ZNF658: variants seen among roughly 807,000 people sequenced by gnomAD.
ZNF658 encodes the protein zinc finger protein 658.
A neutral mutation model predicts 78.0 loss-of-function variants in ZNF658; 46 were observed. The observed-to-expected ratio is 0.59, with a 90% CI of 0.47 to 0.75. The LOEUF (loss-of-function observed/expected upper bound fraction) is 0.75, where lower values mean the gene tolerates loss of function less well. Ranked by LOEUF, ZNF658 falls within the 30% of genes least tolerant of loss-of-function variation. The pLI, the probability that ZNF658 is intolerant of heterozygous loss-of-function variation, is 0.00. For synonymous variants in ZNF658, 279 were observed against 408.4 expected (o/e 0.68, Z 3.82); for missense variants, 785 against 1,189.3 (o/e 0.66, Z 5.00).
chr9:66,929,944 C>T (rs1822625466), intron 6 of ZNF658, among the ~76,000 whole-genome samples: 1 of 136,412 alleles, frequency 7.3e-6, no homozygotes. Flanking sequence ...CCACCACGCC[C>T]AGCTAATTTT....
chr9:66,913,475 G>A (rs1822262841), intron 4 of ZNF658, among the ~76,000 whole-genome samples: 1 of 151,870 alleles, frequency 6.6e-6, no homozygotes, highest in Non-Finnish European at 1.5e-5. Context: ...CCCCCAGGGG[G>A]TCAGATCAGT....
Position 66,920,343 on chromosome 9 carries a change from G to A in ZNF658, c.2777G>A (p.Ser926Asn). The A allele has an allele frequency of 6.2e-7, 1 of 1,613,768 alleles. No homozygotes were observed. Among genetic ancestry groups the A allele is most frequent in the Non-Finnish European group, 8.5e-7 (1 of 1,179,950 alleles). Residue 926 changes from serine to asparagine, a missense_variant, in exon 5 of 5, where the codon AGT becomes AAT. Around this residue, in one of 12 missense-constraint regions of ZNF658, gnomAD observed 85 missense variants for 108.6 expected, o/e 0.78. Transcript: ENST00000621410. Reference sequence around the variant, plus strand: ...ACCTTCTCTGAGAAGTCATATGTTAGTGCACATCAGAGAGTTCATACGGGG... The same window carrying A: ...ACCTTCTCTGAGAAGTCATATGTTAATGCACATCAGAGAGTTCATACGGGG... Reference protein sequence around the residue: ...GKTFSEKSYVSAHQRVHTGEK... With the variant: ...GKTFSEKSYVNAHQRVHTGEK...
rs945682888 is a variant in ZNF658 at position 66,918,106 on chromosome 9, G to C, written c.540G>C (p.Glu180Asp). Residue 180 changes from glutamate to aspartate, a missense_variant, in exon 5 of 5, where the codon GAG (glutamate) becomes GAC (aspartate). This residue lies in a region of ZNF658 where 393 missense variants were observed against 400.2 expected (regional missense o/e 0.98). Transcript: ENST00000621410. Reference sequence around the variant, plus strand: ...AACTGCAGCTTGATATTAAGCATGAGAAAGCTCATGCTGAAGAGAAATCTT... The same window carrying C: ...AACTGCAGCTTGATATTAAGCATGACAAAGCTCATGCTGAAGAGAAATCTT... Reference protein sequence around the residue: ...CEKLQLDIKHEKAHAEEKSYE... With the variant: ...CEKLQLDIKHDKAHAEEKSYE... 1 of 1,591,550 alleles carries C rather than the reference G, an allele frequency of 6.3e-7. No homozygotes were observed. Among genetic ancestry groups the C allele is most frequent in the Non-Finnish European group, 8.5e-7 (1 of 1,172,894 alleles).
rs1266145900 is a variant in ZNF658 at position 66,918,760 on chromosome 9, C to A, written c.1194C>A (p.His398Gln). ...GAAAATCCTTTTACCGGAAAGCACA[C>A]CTCATTCAGCATCAGAGGCCCCACT... ...KCRKSFYRKA[H>Q]LIQHQRPHSG... The change falls in exon 5 of 5, where the codon CAC becomes CAA. Residue 398 changes from histidine (H) to glutamine (Q), a missense_variant. Coordinates refer to ENST00000621410, the MANE Select transcript of ZNF658 (RefSeq NM_033160.7). 2 of 1,613,914 alleles carry A rather than the reference C, an allele frequency of 1.2e-6. No individual in the cohort carries two copies. Among genetic ancestry groups the A allele is most frequent in the Non-Finnish European group, 8.5e-7 (1 of 1,179,862 alleles).
chr9:66,922,253 G>A (rs1822538387), downstream of ZNF658, among the ~76,000 whole-genome samples: 1 of 150,860 alleles, frequency 6.6e-6, no homozygotes, highest in Admixed American at 6.6e-5. Context: ...GTCTGTCAGG[G>A]CTACCCTTGG....
intron 2 of ZNF658, among the ~76,000 whole-genome samples, chr9:66,905,505 G>A (rs1822059534): frequency 6.6e-6 from 1 of 151,962 alleles, no homozygotes; most frequent in Non-Finnish European, 1.5e-5. Flanking sequence ...GACCCTTTCT[G>A]TCTCTATTCT....
At position 66,906,075 on chromosome 9, in the gene ZNF658, G is replaced by A. The variant is rs1052000061; in HGVS notation, c.16-2163G>A. Among the ~76,000 whole-genome samples, 54 of 115,820 alleles carry A rather than the reference G, an allele frequency of 4.7e-4. 2 individuals are homozygous for A. Among genetic ancestry groups the A allele is most frequent in the Non-Finnish European group, 2.6e-4 (15 of 57,004 alleles). 76.0% of individuals were successfully genotyped at this position (115,820 alleles called of 152,430 possible). The stretch of plus-strand genomic sequence containing the variant: ...CTTTTTAATTGATTCAGTAGAGCCT[G>A]TGTTTATTGTCATGTGTGGCTGCAG... On this transcript the variant is annotated intron_variant, in intron 2 of 4. Coordinates refer to ENST00000621410, the MANE Select transcript of ZNF658 (RefSeq NM_033160.7).
intron 4 of ZNF658, among the ~76,000 whole-genome samples, chr9:66,909,909 T>G (rs1383292864): frequency 6.6e-6 from 1 of 152,198 alleles, no homozygotes; most frequent in South Asian, 2.1e-4. Flanking sequence ...ATGAAAGTAC[T>G]AATAAGTTGG....
At chr9:66,929,776 T>A (rs1406970093) in intron 6 of ZNF658, among the ~76,000 whole-genome samples, 4 of 91,566 alleles carry the variant, frequency 4.4e-5, no homozygotes, top group Non-Finnish European at 9.3e-5. Flanking sequence ...TTTTTCTTTT[T>A]CTTTTCTTTC....
At position 66,920,251 on chromosome 9, in the gene ZNF658, A is replaced by G; in HGVS notation, c.2685A>G (p.Ser895=). 2 of 1,610,906 alleles carry G rather than the reference A, an allele frequency of 1.2e-6. No individual in the cohort carries two copies. Among genetic ancestry groups the G allele is most frequent in the Non-Finnish European group, 1.7e-6 (2 of 1,178,228 alleles). The change falls in exon 5 of 5, where the codon TCA becomes TCG. Residue 895 remains serine (S), a synonymous_variant. Coordinates refer to ENST00000621410, the MANE Select transcript of ZNF658 (RefSeq NM_033160.7). ...NDCGKTFSKT[S]HLRAHLRTRS... is the part of the protein sequence containing the mutation. Reference sequence around the variant, plus strand: ...GTGGGAAGACTTTCTCCAAGACATCACATCTCAGAGCACATCTTAGAACTC... The same window carrying G: ...GTGGGAAGACTTTCTCCAAGACATCGCATCTCAGAGCACATCTTAGAACTC...
In ZNF658 at chr9:66,918,955, A is replaced by C; in HGVS notation, c.1389A>C (p.Thr463=). ...TCAGTAAACATCTGAGAATTCACAC[A>C]AAAGAGAAACCTTGTGATAACAATG... ...SNLSKHLRIH[T]KEKPCDNNGC... The change falls in exon 5 of 5, where the codon ACA becomes ACC. Residue 463 remains threonine, a synonymous_variant. Transcript: ENST00000621410. The C allele has an allele frequency of 6.9e-7, 1 of 1,456,416 alleles. No individual in the cohort carries two copies. The highest frequency in any genetic ancestry group is 9.4e-7 in the Non-Finnish European group (1 of 1,064,290). 90.2% of individuals were successfully genotyped at this position (1,456,416 alleles called of 1,614,324 possible).
rs1274086338 is a variant in ZNF658, at chr9:66,908,325, G to A, written c.103G>A (p.Asp35Asn). 6 of 1,614,120 alleles carry A rather than the reference G, an allele frequency of 3.7e-6. No homozygotes were observed. Among genetic ancestry groups the A allele is most frequent in the Non-Finnish European group, 3.4e-6 (4 of 1,180,002 alleles). ...LGPVERTLYR[D>N]VMLENYSHLI... ...CCCTGTCGAGAGGACGCTGTACAGA[G>A]ATGTGATGCTGGAGAACTACAGCCA... Residue 35 changes from aspartate (D) to asparagine (N), a missense_variant, in exon 3 of 5, where the codon GAT becomes AAT. By Grantham distance (23) the Asp-to-Asn change is conservative (BLOSUM62 1). Coordinates refer to ENST00000621410, the MANE Select transcript of ZNF658 (RefSeq NM_033160.7).
chr9:66,908,596 A>G (rs2117985470), intron 3 of ZNF658, 43 bp from the exon 4 acceptor site: 1 of 1,547,612 alleles, frequency 6.5e-7, no homozygotes, highest in Non-Finnish European at 8.7e-7. Flanking sequence ...TTGGAAATCC[A>G]AAAGCCTGTG....
intron 4 of ZNF658, among the ~76,000 whole-genome samples, 175 bp downstream of exon 4, chr9:66,908,909 G>A (rs1822148196): frequency 6.6e-6 from 1 of 152,128 alleles, no homozygotes. Flanking sequence ...AAACTATTCA[G>A]GGAAGAAATA....
At chr9:66,914,478 A>C (rs916717551) in intron 4 of ZNF658, among the ~76,000 whole-genome samples, 1 of 151,820 alleles carries the variant, frequency 6.6e-6, no homozygotes, top group African/African-American at 2.4e-5. Flanking sequence ...TGGTCCTTCC[A>C]GTGCAATCTT....
chr9:66,929,002 C>G (rs937684864), intron 6 of ZNF658, among the ~76,000 whole-genome samples: 9 of 150,912 alleles, frequency 6.0e-5, no homozygotes, highest in Non-Finnish European at 1.3e-4. Flanking sequence ...ATTGGCAATA[C>G]ATGTTAAACC....
In ZNF658 at chr9:66,901,427, G is replaced by A. The variant is rs1335321926; in HGVS notation, c.-45+591G>A. On this transcript the variant is annotated intron_variant, in intron 1 of 4. Transcript: ENST00000621410. ...AGTACCTGCCTAAAGCCTTCAGAGC[G>A]CTTATGCAGAGTGGCCTGTCACCAG... is the stretch of plus-strand genomic sequence containing the variant. 4.6e-5 allele frequency among the ~76,000 whole-genome samples: 7 copies of A among 151,866 alleles called. No homozygotes were observed. The South Asian group carries it at 1.5e-3, about 32-fold the overall frequency.
downstream of ZNF658, among the ~76,000 whole-genome samples, chr9:66,926,289 G>A (rs971192422): frequency 2.1e-4 from 29 of 137,474 alleles, no homozygotes; most frequent in African/African-American, 6.4e-4. Flanking sequence ...AGGAAGAAGT[G>A]AAATTGTACC....
chr9:66,907,813 G>T (rs534536965), intron 2 of ZNF658, among the ~76,000 whole-genome samples: 1 of 152,140 alleles, frequency 6.6e-6, no homozygotes, highest in South Asian at 2.1e-4. Flanking sequence ...TATTATAGCT[G>T]TTCTCTGCTC....
Sources: allele counts gnomAD v4.1 joint callset (sites outside exome capture counted in the v4.1 genomes callset), GRCh38; gene constraint gnomAD v4.1.1; regional missense constraint gnomAD v4.1.1; transcripts MANE v1.5; gene names NCBI Gene and HGNC (gene_info 2026-07-23, HGNC 2026-07-21).